MAN1A2: variants seen among roughly 807,000 people sequenced by gnomAD.
The protein encoded by MAN1A2 is mannosyl-oligosaccharide 1,2-alpha-mannosidase IB.
Under a neutral mutation model 75.7 loss-of-function variants are expected in MAN1A2, and 26 were observed. The ratio of observed to expected loss-of-function variants is 0.34; its 90% CI spans 0.25 to 0.48. The LOEUF (loss-of-function observed/expected upper bound fraction) is 0.48, where lower values mean the gene tolerates loss of function less well. Among genes scored for constraint, MAN1A2 ranks in the 20% least tolerant of loss-of-function variants. MAN1A2 has a pLI of 0.99. For synonymous variants in MAN1A2, 247 were observed against 264.6 expected (o/e 0.93, Z 0.65); for missense variants, 562 against 775.5 (o/e 0.72, Z 3.27).
chr1:117,524,950 T>C lies in MAN1A2; in HGVS notation c.*1993T>C. 1 of 351,132 alleles carries C rather than the reference T, an allele frequency of 2.8e-6. No homozygotes were observed. The highest frequency in any genetic ancestry group is 7.3e-5 in the East Asian group (1 of 13,616). The allele number at this position is 351,132 out of a possible 1,614,324, so 21.8% of individuals were successfully genotyped here. On this transcript the variant is annotated 3_prime_UTR_variant, in exon 13 of 13. Coordinates refer to ENST00000356554, the MANE Select transcript of MAN1A2 (RefSeq NM_006699.5). ...CCTCGTAAAAGTAGCACAAGCCCACTTATGAATCACTGAGAAAAAGTGAAA... is the reference window on the plus strand; with the variant it reads ...CCTCGTAAAAGTAGCACAAGCCCACCTATGAATCACTGAGAAAAAGTGAAA...
chr1:117,400,296 T>C (rs1257846291), intron 1 of MAN1A2, among the ~76,000 whole-genome samples: 1 of 152,010 alleles, frequency 6.6e-6, no homozygotes, highest in Non-Finnish European at 1.5e-5. Context: ...CTTGTTTCTC[T>C]TATCAGCACC....
chr1:117,496,355 A>G (rs968462056), intron 9 of MAN1A2, among the ~76,000 whole-genome samples: 1 of 152,058 alleles, frequency 6.6e-6, no homozygotes, highest in African/African-American at 2.4e-5. Context: ...AGTTTAATAT[A>G]GACTATTTCT....
At chr1:117,496,588 A>G (rs1176022981) in intron 9 of MAN1A2, among the ~76,000 whole-genome samples, 175 bp from the exon 10 acceptor site, 1 of 151,998 alleles carries the variant, frequency 6.6e-6, no homozygotes, top group Non-Finnish European at 1.5e-5. Context: ...GTTCCAGATT[A>G]TATGCAATTT....
chr1:117,433,147 A>T (rs1014154836), intron 5 of MAN1A2, among the ~76,000 whole-genome samples: 1 of 151,968 alleles, frequency 6.6e-6, no homozygotes, highest in Admixed American at 6.6e-5. Context: ...CACTCAGTAA[A>T]CTAGTACAGC....
At chr1:117,456,701 A>G (rs762857868) in intron 6 of MAN1A2, among the ~76,000 whole-genome samples, 5 of 151,990 alleles carry the variant, frequency 3.3e-5, no homozygotes, top group African/African-American at 9.7e-5. Flanking sequence ...TTCAGACCAG[A>G]TATTTTTACA....
intron 6 of MAN1A2, among the ~76,000 whole-genome samples, chr1:117,451,733 G>C (rs986870964): frequency 6.6e-6 from 1 of 152,336 alleles, no homozygotes; most frequent in East Asian, 1.9e-4. Flanking sequence ...CTTCCACCAT[G>C]ATTGTGAGGC....
chr1:117,488,461 G>A (rs1032207431), intron 8 of MAN1A2, among the ~76,000 whole-genome samples: 2 of 152,064 alleles, frequency 1.3e-5, no homozygotes, highest in African/African-American at 4.8e-5. Flanking sequence ...CTCCCAAAGT[G>A]CTGGGATTGC....
intron 8 of MAN1A2, among the ~76,000 whole-genome samples, chr1:117,485,403 T>C (rs1468972182): frequency 6.6e-6 from 1 of 151,930 alleles, no homozygotes; most frequent in Admixed American, 6.6e-5. Context: ...TGAAAGTAGA[T>C]AAATATTTAT....
At chr1:117,420,438 G>T in intron 4 of MAN1A2, 131 bp from the exon 5 acceptor site, 1 of 662,510 alleles carries the variant, frequency 1.5e-6, no homozygotes, top group South Asian at 1.9e-5. Flanking sequence ...AGTTGCATGA[G>T]AAATGAAGAT....
chr1:117,496,701 A>G (rs1291599973), intron 9 of MAN1A2, 62 bp from the exon 10 acceptor site: 4 of 1,183,290 alleles, frequency 3.4e-6, no homozygotes, highest in Non-Finnish European at 3.7e-6. Context: ...CCAGAAGGAT[A>G]TAGTAAGTTT....
intron 6 of MAN1A2, among the ~76,000 whole-genome samples, chr1:117,453,787 C>A (rs1424353200): frequency 6.6e-6 from 1 of 152,182 alleles, no homozygotes; most frequent in East Asian, 1.9e-4. Flanking sequence ...GGACAAAATG[C>A]TGTCAAACAG....
chr1:117,489,528 G>T (rs1325843308), intron 8 of MAN1A2, among the ~76,000 whole-genome samples: 1 of 151,900 alleles, frequency 6.6e-6, no homozygotes, highest in Non-Finnish European at 1.5e-5. Flanking sequence ...TATTTGTCAG[G>T]AGTCGTCGTT....
At chr1:117,452,314 A>T (rs1015263208) in intron 6 of MAN1A2, among the ~76,000 whole-genome samples, 1 of 152,084 alleles carries the variant, frequency 6.6e-6, no homozygotes, top group Non-Finnish European at 1.5e-5. Context: ...TCTCAAAAAA[A>T]AAAAAAAGTT....
At position 117,382,586 on chromosome 1, in the gene MAN1A2, C is replaced by A. The variant is rs1005378722; in HGVS notation, c.302+14101C>A. Among the ~76,000 whole-genome samples the A allele has an allele frequency of 1.5e-4, 23 of 152,230 alleles. 1 individual carries two copies. Among genetic ancestry groups the A allele is most frequent in the Admixed American group, 1.1e-3 (17 of 15,298 alleles). On this transcript the variant is annotated intron_variant, in intron 1 of 12. Transcript: ENST00000356554. ...ACCATGCTGCTTTGGTTACTGTAGCCTTGTAGTATAGTTTGAAGTCAGGTA... is the reference window on the plus strand; with the variant it reads ...ACCATGCTGCTTTGGTTACTGTAGCATTGTAGTATAGTTTGAAGTCAGGTA...
chr1:117,525,381 A>G lies in MAN1A2; in HGVS notation c.*2424A>G. 4 of 240,872 alleles carry G rather than the reference A, an allele frequency of 1.7e-5. No homozygotes were observed. In the South Asian group the frequency reaches 2.2e-4, roughly 13 times the overall value. The allele number at this position is 240,872 out of a possible 1,614,324, so 14.9% of individuals were successfully genotyped here. On this transcript the variant is annotated 3_prime_UTR_variant, in exon 13 of 13. Transcript: ENST00000356554. The stretch of plus-strand genomic sequence containing the variant: ...GCCAGTGTCATGTTTTATTTTTGTT[A>G]TAGATTTTTAAATTATTTCCTTCAA...
At chr1:117,433,222 G>A (rs1648731724) in intron 5 of MAN1A2, among the ~76,000 whole-genome samples, 1 of 151,898 alleles carries the variant, frequency 6.6e-6, no homozygotes, top group South Asian at 2.1e-4. Flanking sequence ...ACACCAACAT[G>A]GAGTGCAAGG....
chr1:117,394,840 G>A (rs1281637569), intron 1 of MAN1A2, among the ~76,000 whole-genome samples: 1 of 152,188 alleles, frequency 6.6e-6, no homozygotes, highest in Non-Finnish European at 1.5e-5. Flanking sequence ...CACCAATGAA[G>A]GTTGAAGTGG....
At chr1:117,413,957 C>A (rs1557939926) in intron 3 of MAN1A2, among the ~76,000 whole-genome samples, 1 of 151,758 alleles carries the variant, frequency 6.6e-6, no homozygotes, top group Non-Finnish European at 1.5e-5. Flanking sequence ...GTTTTCTTCT[C>A]TTAAGTTTTC....
At chr1:117,397,658 T>C (rs1378392323) in intron 1 of MAN1A2, among the ~76,000 whole-genome samples, 1 of 148,006 alleles carries the variant, frequency 6.8e-6, no homozygotes, top group South Asian at 2.2e-4. Flanking sequence ...TTTTTTTTTT[T>C]TTTTTTTTGG....
Sources: gnomAD v4.1 joint callset for allele counts (sites outside exome capture counted in the v4.1 genomes callset) on GRCh38, gnomAD v4.1.1 for gene constraint, MANE v1.5 for transcripts, NCBI Gene and HGNC (gene_info 2026-07-23, HGNC 2026-07-21) for gene names.